The following SLC25A21 variants were observed in gnomAD, a reference collection of about 807,000 sequenced individuals.
The protein encoded by SLC25A21 is solute carrier family 25 member 21.
A neutral mutation model predicts 43.8 loss-of-function variants in SLC25A21; 47 were observed. That is an observed-to-expected ratio of 1.07 (90% CI 0.85 to 1.37). The LOEUF is 1.37. SLC25A21 is among the 40% of genes most tolerant of loss of function. SLC25A21 has a pLI of 0.00. For synonymous variants in SLC25A21, 131 were observed against 121.3 expected (o/e 1.08, Z -0.52); for missense variants, 352 against 350.2 (o/e 1.00, Z -0.04).
chr14:37,155,208 T>C (rs1963828080), intron 1 of SLC25A21, among the ~76,000 whole-genome samples: 1 of 152,178 alleles, frequency 6.6e-6, no homozygotes, highest in Non-Finnish European at 1.5e-5. Flanking sequence ...GTAGCTGGAC[T>C]ACAGGTGTTT....
chr14:36,920,126 T>G (rs1238205096), intron 1 of SLC25A21, among the ~76,000 whole-genome samples: 1 of 152,086 alleles, frequency 6.6e-6, no homozygotes, highest in African/African-American at 2.4e-5. Flanking sequence ...CCAGATGCTG[T>G]GTTAATTAAG....
intron 1 of SLC25A21, among the ~76,000 whole-genome samples, chr14:36,965,652 G>A (rs1723365591): frequency 6.6e-6 from 1 of 152,082 alleles, no homozygotes; most frequent in Admixed American, 6.5e-5. Flanking sequence ...ATATTCTGGA[G>A]TGAGTTCAAT....
chr14:36,877,924 G>A (rs1566701168), intron 1 of SLC25A21, among the ~76,000 whole-genome samples: 2 of 152,016 alleles, frequency 1.3e-5, no homozygotes, highest in African/African-American at 2.4e-5. Context: ...GCTCTTGGTT[G>A]TTTTTTCTTA....
intron 1 of SLC25A21, among the ~76,000 whole-genome samples, chr14:36,895,182 G>A (rs543717453): frequency 7.2e-5 from 11 of 152,194 alleles, no homozygotes; most frequent in African/African-American, 2.2e-4. Flanking sequence ...GACTTTTTTC[G>A]GTTGGTAAGC....
intron 2 of SLC25A21, among the ~76,000 whole-genome samples, chr14:36,864,407 T>G (rs888952147): frequency 6.6e-6 from 1 of 152,198 alleles, no homozygotes; most frequent in Non-Finnish European, 1.5e-5. Flanking sequence ...CTGTTTTTAT[T>G]TGATTATGTT....
chr14:37,117,584 A>G (rs1461506581), intron 1 of SLC25A21, among the ~76,000 whole-genome samples: 4 of 152,200 alleles, frequency 2.6e-5, no homozygotes, highest in African/African-American at 9.7e-5. Flanking sequence ...GATCTAATAT[A>G]ACATATACTA....
At chr14:36,863,711 T>C (rs1025231319) in intron 2 of SLC25A21, among the ~76,000 whole-genome samples, 1 of 152,240 alleles carries the variant, frequency 6.6e-6, no homozygotes, top group Non-Finnish European at 1.5e-5. Context: ...CACATAATCT[T>C]GGGGACCAAT....
chr14:37,092,616 C>A (rs1376003975), intron 1 of SLC25A21, among the ~76,000 whole-genome samples: 3 of 152,100 alleles, frequency 2.0e-5, no homozygotes, highest in Non-Finnish European at 4.4e-5. Flanking sequence ...ATTTGCTGAG[C>A]ATTTCTGGAA....
chr14:37,073,621 TA>T (rs953965514), intron 1 of SLC25A21, among the ~76,000 whole-genome samples: 1 of 152,116 alleles, frequency 6.6e-6, no homozygotes, highest in African/African-American at 2.4e-5. Flanking sequence ...ACTGGGACCC[TA>T]AGGGAATGGA....
At chr14:37,112,095 C>T (rs1363740615) in intron 1 of SLC25A21, among the ~76,000 whole-genome samples, 3 of 152,066 alleles carry the variant, frequency 2.0e-5, no homozygotes, top group Non-Finnish European at 2.9e-5. Context: ...TTATTCCTCC[C>T]TCTCTCCTTC....
intron 1 of SLC25A21, among the ~76,000 whole-genome samples, chr14:36,989,348 T>C (rs916623861): frequency 7.2e-5 from 11 of 152,206 alleles, no homozygotes; most frequent in African/African-American, 2.4e-4. Flanking sequence ...GTAATTCTTA[T>C]ATTGCCATGA....
intron 3 of SLC25A21, among the ~76,000 whole-genome samples, chr14:36,760,114 C>A (rs1381909696): frequency 6.6e-6 from 1 of 152,132 alleles, no homozygotes; most frequent in African/African-American, 2.4e-5. Flanking sequence ...CTGGCAGTCG[C>A]TGAGGACTTC....
chr14:36,959,198 C>G (rs1190592244), intron 1 of SLC25A21, among the ~76,000 whole-genome samples: 1 of 152,188 alleles, frequency 6.6e-6, no homozygotes, highest in Non-Finnish European at 1.5e-5. Flanking sequence ...CTGCTCCCTT[C>G]TCTGCCTGCC....
At chr14:37,128,538 C>CTGTGTGTGTGTG (rs367948974) in intron 1 of SLC25A21, among the ~76,000 whole-genome samples, 1,388 of 122,772 alleles carry the variant, frequency 0.011, 18 homozygotes, top group Non-Finnish European at 0.015. Context: ...CTCTCTCTCT[C>CTGTGTGTGTGTG]TGTGTGTGTG....
At chr14:37,087,465 T>C (rs1009681630) in intron 1 of SLC25A21, among the ~76,000 whole-genome samples, 2 of 152,176 alleles carry the variant, frequency 1.3e-5, no homozygotes, top group Non-Finnish European at 2.9e-5. Context: ...TCAAGGGAGC[T>C]GGTACCATTC....
At chr14:36,785,213 A>T (rs1594585599) in intron 3 of SLC25A21, among the ~76,000 whole-genome samples, 1 of 152,196 alleles carries the variant, frequency 6.6e-6, no homozygotes, top group East Asian at 1.9e-4. Context: ...ATGCTTGTGA[A>T]TGGGGCAAAG....
At chr14:36,696,791 TTC>T (rs1449310296) in intron 7 of SLC25A21, among the ~76,000 whole-genome samples, 1 of 152,212 alleles carries the variant, frequency 6.6e-6, no homozygotes, top group Non-Finnish European at 1.5e-5. Context: ...TATTTGATTC[TTC>T]TCTCTTTTCT....
intron 1 of SLC25A21, among the ~76,000 whole-genome samples, chr14:37,033,284 A>G (rs555666704): frequency 1.7e-4 from 26 of 152,206 alleles, no homozygotes; most frequent in South Asian, 1.4e-3. Context: ...GTTGTAGCAC[A>G]TGACAGGATT....
intron 1 of SLC25A21, among the ~76,000 whole-genome samples, chr14:37,123,899 A>G (rs1963253705): frequency 6.6e-6 from 1 of 152,170 alleles, no homozygotes; most frequent in Non-Finnish European, 1.5e-5. Flanking sequence ...AAGGAAATAT[A>G]TCAACATAAT....
Sources: allele counts gnomAD v4.1 joint callset (sites outside exome capture counted in the v4.1 genomes callset), GRCh38; gene constraint gnomAD v4.1.1; transcripts MANE v1.5; gene names NCBI Gene and HGNC (gene_info 2026-07-23, HGNC 2026-07-21).